PABPC4L: variants seen among roughly 807,000 people sequenced by gnomAD.
PABPC4L encodes poly(A) binding protein cytoplasmic 4 like.
For missense variants in PABPC4L, 452 were observed against 451.4 expected, an observed-to-expected ratio of 1.00 and a Z score of -0.01; for synonymous variants, 169 against 164.1, an observed-to-expected ratio of 1.03 and a Z score of -0.23.
At chr4:134,139,535 C>T in the PABPC4L span, among the ~76,000 whole-genome samples, 4 of 151,884 alleles carry the variant, frequency 2.6e-5, no homozygotes, top group Non-Finnish European at 5.9e-5. Flanking sequence ...GATTTCATAA[C>T]TATACTCTGT....
At chr4:134,161,072 A>C in the PABPC4L span, among the ~76,000 whole-genome samples, 1 of 151,990 alleles carries the variant, frequency 6.6e-6, no homozygotes. Flanking sequence ...TCTTTCAGAG[A>C]AACTTAACAA....
chr4:134,200,382 T>C lies in PABPC4L; in HGVS notation c.638A>G (p.Tyr213Cys), dbSNP rs1238639913. Residue 213 changes from tyrosine to cysteine, a missense_variant, in exon 2 of 2, where the codon TAT becomes TGT. Transcript: ENST00000421491. ...CACCTTAACACTCAGAGTTTTGCCA[T>C]ATTTGCTGAAAACGTCCTTCAATCT... ...DERLKDVFSK[Y>C]GKTLSVKVMT... 3.2e-6 allele frequency: 5 copies of C among 1,573,810 alleles called. No individual in the cohort carries two copies. The highest frequency in any genetic ancestry group is 2.6e-6 in the Non-Finnish European group (3 of 1,158,166).
the PABPC4L span, among the ~76,000 whole-genome samples, chr4:134,145,385 A>T: frequency 1.3e-5 from 2 of 151,910 alleles, no homozygotes; most frequent in East Asian, 3.9e-4. Context: ...CAGTGAATAA[A>T]AGAAAAGCGG....
the PABPC4L span, among the ~76,000 whole-genome samples, chr4:134,072,105 T>A: frequency 2.5e-4 from 38 of 152,044 alleles, no homozygotes; most frequent in Non-Finnish European, 5.0e-4. Context: ...AAAAAAAAAA[T>A]GTGATTTCTT....
chr4:134,020,607 G>A, the PABPC4L span, among the ~76,000 whole-genome samples: 1 of 151,968 alleles, frequency 6.6e-6, no homozygotes, highest in African/African-American at 2.4e-5. Flanking sequence ...GCTCTGGTTT[G>A]AATGTCTCTG....
At chr4:134,097,235 G>C in the PABPC4L span, among the ~76,000 whole-genome samples, 2 of 151,840 alleles carry the variant, frequency 1.3e-5, no homozygotes, top group Non-Finnish European at 2.9e-5. Context: ...TAGAATCTTA[G>C]AGACTCTTGA....
chr4:134,116,209 C>G, the PABPC4L span, among the ~76,000 whole-genome samples: 1 of 151,674 alleles, frequency 6.6e-6, no homozygotes, highest in Non-Finnish European at 1.5e-5. Flanking sequence ...TTATTCACTC[C>G]CAGTCAGGAA....
chr4:134,036,388 A>G, the PABPC4L span, among the ~76,000 whole-genome samples: 1 of 152,120 alleles, frequency 6.6e-6, no homozygotes, highest in Admixed American at 6.6e-5. Flanking sequence ...TTTGCTGCAT[A>G]CCAAGCTTCA....
the PABPC4L span, among the ~76,000 whole-genome samples, chr4:134,104,294 C>A: frequency 6.6e-6 from 1 of 151,656 alleles, no homozygotes; most frequent in Non-Finnish European, 1.5e-5. Context: ...TCCACTTGTT[C>A]CTTTCCTTTC....
the PABPC4L span, among the ~76,000 whole-genome samples, chr4:134,160,262 CAGTG>C: frequency 2.0e-5 from 3 of 151,972 alleles, no homozygotes; most frequent in South Asian, 6.2e-4. Flanking sequence ...TTAGGCAGCC[CAGTG>C]CAGAGAGAGA....
the PABPC4L span, among the ~76,000 whole-genome samples, chr4:133,995,471 T>G: frequency 6.6e-6 from 1 of 152,200 alleles, no homozygotes; most frequent in South Asian, 2.1e-4. Context: ...ATGTTAGTGT[T>G]TTCATAAGCC....
chr4:134,032,154 C>G, the PABPC4L span, among the ~76,000 whole-genome samples: 1 of 151,890 alleles, frequency 6.6e-6, no homozygotes, highest in East Asian at 1.9e-4. Context: ...AATGCTTTGA[C>G]ACGGAACAAC....
At chr4:133,992,485 G>A in the PABPC4L span, among the ~76,000 whole-genome samples, 1 of 152,174 alleles carries the variant, frequency 6.6e-6, no homozygotes, top group South Asian at 2.1e-4. Flanking sequence ...CACACAGTGG[G>A]AGGATAGTGG....
the PABPC4L span, among the ~76,000 whole-genome samples, chr4:134,116,523 T>C: frequency 6.6e-6 from 1 of 151,904 alleles, no homozygotes; most frequent in African/African-American, 2.4e-5. Flanking sequence ...TAGGAGAAAA[T>C]ACTTAACCTA....
Position 134,200,048 on chromosome 4 carries a change from T to G in PABPC4L, c.972A>C (p.Val324=). ...CTTTGCTCTGCCCCTCTTCCTGCAT[T>G]ACCTTAACTCTGCTAATTGATCCAA... The part of the protein sequence containing the change: ...SSFGSISRVK[V]MQEEGQSKGF... Residue 324 remains valine, a synonymous_variant, in exon 2 of 2, where the codon GTA becomes GTC. Transcript: ENST00000421491. 6.4e-7 allele frequency: 1 copy of G among 1,551,716 alleles called. No individual in the cohort carries two copies. Among genetic ancestry groups the G allele is most frequent in the Non-Finnish European group, 8.7e-7 (1 of 1,146,974 alleles).
the PABPC4L span, among the ~76,000 whole-genome samples, chr4:134,153,889 C>T: frequency 8.5e-6 from 1 of 117,440 alleles, no homozygotes; most frequent in South Asian, 2.8e-4. Context: ...TGAGCTTTTG[C>T]TACTTTCTGC....
At chr4:134,170,875 G>T in the PABPC4L span, among the ~76,000 whole-genome samples, 1 of 152,086 alleles carries the variant, frequency 6.6e-6, no homozygotes, top group African/African-American at 2.4e-5. Flanking sequence ...GGATCAAATG[G>T]TACTTCTCTT....
chr4:133,998,249 T>A, the PABPC4L span, among the ~76,000 whole-genome samples: 1 of 151,980 alleles, frequency 6.6e-6, no homozygotes, highest in East Asian at 1.9e-4. Context: ...TTCTTCAGAA[T>A]ATGATATATT....
chr4:134,066,964 C>A, the PABPC4L span, among the ~76,000 whole-genome samples: 1 of 152,088 alleles, frequency 6.6e-6, no homozygotes, highest in African/African-American at 2.4e-5. Context: ...AGGATATTTG[C>A]ATCTATTTTT....
Sources: gnomAD v4.1 joint callset for allele counts (sites outside exome capture counted in the v4.1 genomes callset) on GRCh38, gnomAD v4.1.1 for gene constraint, MANE v1.5 for transcripts, NCBI Gene and HGNC (gene_info 2026-07-23, HGNC 2026-07-21) for gene names.